Variants in VPS33A observed in about 807,000 individuals in gnomAD.
VPS33A encodes the protein VPS33A core subunit of CORVET and HOPS complexes.
In VPS33A, 32 loss-of-function variants were observed where a neutral mutation model predicts 71.8. The observed-to-expected ratio is 0.45, with a 90% CI of 0.34 to 0.60. VPS33A has a LOEUF of 0.60. VPS33A is among the 20% of genes least tolerant of loss of function. VPS33A has a pLI of 0.02. For synonymous variants in VPS33A, 311 were observed against 292.7 expected, an observed-to-expected ratio of 1.06 and a Z score of -0.64; for missense variants, 625 against 748.5, an observed-to-expected ratio of 0.84 and a Z score of 1.92.
chr12:122,265,084 C>T (rs1020423196), intron 1 of VPS33A, among the ~76,000 whole-genome samples: 5 of 151,556 alleles, frequency 3.3e-5, no homozygotes, highest in South Asian at 2.1e-4. Context: ...CACCACATCA[C>T]GCTAATTTTT....
chr12:122,244,794 T>A (rs780995683), intron 6 of VPS33A, 32 bp from the exon 7 acceptor site: 1 of 1,583,992 alleles, frequency 6.3e-7, no homozygotes, highest in Non-Finnish European at 8.6e-7. Flanking sequence ...TAAGCACCTG[T>A]GTGCAATGAC....
intron 4 of VPS33A, among the ~76,000 whole-genome samples, chr12:122,255,013 C>T (rs536334885): frequency 4.7e-5 from 7 of 148,570 alleles, no homozygotes; most frequent in South Asian, 4.2e-4. Flanking sequence ...ATGGCACCAA[C>T]GCACTCCAGC....
At chr12:122,240,061 C>A in intron 8 of VPS33A, 116 bp from the exon 9 acceptor site, 1 of 759,360 alleles carries the variant, frequency 1.3e-6, no homozygotes, top group Non-Finnish European at 2.2e-6. Context: ...GGCACGGTGG[C>A]TCACACCTGT....
At chr12:122,248,091 T>C (rs1954799656) in intron 6 of VPS33A, 1 of 152,206 alleles carries the variant, frequency 6.6e-6, no homozygotes. Context: ...TGTGTATTTT[T>C]AGTAGTGATG....
intron 5 of VPS33A, 163 bp from the exon 6 acceptor site, chr12:122,250,208 A>G (rs1250280325): frequency 1.5e-6 from 1 of 680,382 alleles, no homozygotes; most frequent in African/African-American, 1.8e-5. Flanking sequence ...TGCTGTTGGC[A>G]CCCATCCCGA....
At chr12:122,239,815 G>T in intron 9 of VPS33A, 63 bp downstream of exon 9, 1 of 1,141,332 alleles carries the variant, frequency 8.8e-7, no homozygotes, top group Non-Finnish European at 1.2e-6. Flanking sequence ...TGGTTTTCTG[G>T]CTATAATCTG....
rs1046971636 is a variant in VPS33A at position 122,231,974 on chromosome 12, T to C, written c.*272A>G. On this transcript the variant is annotated 3_prime_UTR_variant, in exon 13 of 13. Transcript: ENST00000267199. The stretch of plus-strand genomic sequence containing the variant: ...CAGGAGGCTGAGGCAGGAGAATTGC[T>C]TGAACCTAGGAGGTGGAGGTTGCAG... 3 of 409,730 alleles carry C rather than the reference T, an allele frequency of 7.3e-6. No individual in the cohort carries two copies. Among genetic ancestry groups the C allele is most frequent in the Non-Finnish European group, 1.3e-5 (3 of 233,684 alleles). 25.4% of individuals were successfully genotyped at this position (409,730 alleles called of 1,614,324 possible). A position where few individuals can be genotyped will look rare whatever the true frequency, so the allele number is the denominator to read the frequency against.
intron 4 of VPS33A, among the ~76,000 whole-genome samples, chr12:122,253,742 G>A (rs1476124743): frequency 6.6e-6 from 1 of 151,870 alleles, no homozygotes; most frequent in Non-Finnish European, 1.5e-5. Context: ...CTATCACCCA[G>A]GCTGGAGTGC....
chr12:122,259,472 G>A (rs1278446170), intron 4 of VPS33A, among the ~76,000 whole-genome samples: 1 of 152,080 alleles, frequency 6.6e-6, no homozygotes, highest in Non-Finnish European at 1.5e-5. Context: ...ATCCACCTCA[G>A]CCTCCCAAAG....
At chr12:122,235,376 T>A (rs1331392287) in intron 11 of VPS33A, among the ~76,000 whole-genome samples, 2 of 151,776 alleles carry the variant, frequency 1.3e-5, no homozygotes, top group East Asian at 3.9e-4. Flanking sequence ...GCAATTCTCC[T>A]GCCTCAGCCC....
chr12:122,238,611 A>G lies in VPS33A; in HGVS notation c.1278T>C (p.Asp426=). ...CNSGLKQKVL[D]YYKREILQTY... is the part of the protein sequence containing the mutation. ...CCTGGAGAATCTCTCTTTTGTAATA[A>G]TCCAAAACTTTTTGTTTGAGCCCAC... The change falls in exon 10 of 13, where the codon GAT becomes GAC. Residue 426 remains aspartate (D), a synonymous_variant. Coordinates refer to ENST00000267199, the MANE Select transcript of VPS33A (RefSeq NM_022916.6). 6.2e-7 allele frequency: 1 copy of G among 1,611,932 alleles called. No individual in the cohort carries two copies. The highest frequency in any genetic ancestry group is 8.5e-7 in the Non-Finnish European group (1 of 1,179,394).
intron 11 of VPS33A, 49 bp downstream of exon 11, chr12:122,235,737 C>A: frequency 6.5e-7 from 1 of 1,544,568 alleles, no homozygotes; most frequent in Non-Finnish European, 8.7e-7. Flanking sequence ...GTCACCTGGA[C>A]GATCTAACCA....
In VPS33A at chr12:122,247,588, C is replaced by T. The variant is rs571099047; in HGVS notation, c.775+2283G>A. 3.3e-4 allele frequency among the ~76,000 whole-genome samples: 50 copies of T among 152,272 alleles called. 1 individual carries two copies. Among genetic ancestry groups the T allele is most frequent in the African/African-American group, 1.2e-3 (49 of 41,550 alleles). On this transcript the variant is annotated intron_variant, in intron 6 of 12. Coordinates refer to ENST00000267199, the MANE Select transcript of VPS33A (RefSeq NM_022916.6). ...TGTGGAAACGCCTCCTCATGCATGT[C>T]TCTCTCTCCGTCACCCACGTCATTC...
At chr12:122,258,284 C>T (rs1265220567) in intron 4 of VPS33A, among the ~76,000 whole-genome samples, 5 of 151,850 alleles carry the variant, frequency 3.3e-5, no homozygotes, top group Non-Finnish European at 7.4e-5. Context: ...CTTTGTGATC[C>T]TGGGGTAGGC....
intron 11 of VPS33A, among the ~76,000 whole-genome samples, chr12:122,235,305 C>T (rs1442841705): frequency 6.6e-6 from 1 of 150,432 alleles, no homozygotes; most frequent in East Asian, 1.9e-4. Flanking sequence ...TGCTCTGTCG[C>T]CCAGGCTGGA....
chr12:122,246,272 A>ATC (rs933488052), intron 6 of VPS33A, among the ~76,000 whole-genome samples: 12 of 150,598 alleles, frequency 8.0e-5, no homozygotes, highest in East Asian at 7.7e-4. Flanking sequence ...AGGTGGGAGG[A>ATC]TCTCTCTCTC....
intron 6 of VPS33A, chr12:122,249,632 TGGAATGA>T: frequency 3.0e-6 from 1 of 338,790 alleles, no homozygotes. Flanking sequence ...TCCTCTTTTT[TGGAATGA>T]TTCCTCAAGG....
intron 8 of VPS33A, 87 bp from the exon 9 acceptor site, chr12:122,240,032 G>A (rs12422411): frequency 9.6e-7 from 1 of 1,042,130 alleles, no homozygotes; most frequent in South Asian, 1.3e-5. Context: ...GCACGATTCA[G>A]AAACTAGACA....
At chr12:122,240,438 C>T (rs189374698) in intron 8 of VPS33A, among the ~76,000 whole-genome samples, 22 of 152,202 alleles carry the variant, frequency 1.4e-4, no homozygotes, top group African/African-American at 5.3e-4. Context: ...CTCTGCACTC[C>T]TAAGTTACAC....
Sources: allele counts gnomAD v4.1 joint callset (sites outside exome capture counted in the v4.1 genomes callset), GRCh38; gene constraint gnomAD v4.1.1; transcripts MANE v1.5; gene names NCBI Gene and HGNC (gene_info 2026-07-23, HGNC 2026-07-21).